Variants in HYKK observed in about 807,000 individuals in gnomAD.
HYKK encodes 5-hydroxy-L-lysine kinase.
A neutral mutation model predicts 29.7 loss-of-function variants in HYKK; 19 were observed. The ratio of observed to expected loss-of-function variants is 0.64; its 90% CI spans 0.45 to 0.94. HYKK has a LOEUF of 0.94. Among genes scored for constraint, HYKK ranks in the 40% least tolerant of loss-of-function variants. The pLI is 0.00. For missense variants in HYKK, 390 were observed against 443.4 expected (o/e 0.88, Z 1.08); for synonymous variants, 152 against 158.1 (o/e 0.96, Z 0.29).
chr15:78,524,857 C>T (rs1398720133), intron 3 of HYKK, among the ~76,000 whole-genome samples: 1 of 152,040 alleles, frequency 6.6e-6, no homozygotes, highest in Non-Finnish European at 1.5e-5. Context: ...CTCATGAGAA[C>T]TCACTCACTA....
At chr15:78,529,408 A>G (rs937567936) in intron 4 of HYKK, among the ~76,000 whole-genome samples, 13 of 152,226 alleles carry the variant, frequency 8.5e-5, no homozygotes, top group African/African-American at 2.4e-4. Context: ...CTTTGAGTGT[A>G]TACCTTGCGA....
At chr15:78,529,242 G>C (rs2052288336) in intron 4 of HYKK, among the ~76,000 whole-genome samples, 1 of 152,136 alleles carries the variant, frequency 6.6e-6, no homozygotes, top group South Asian at 2.1e-4. Flanking sequence ...GCATATGCTA[G>C]AGTTGGTTAA....
Position 78,524,438 on chromosome 15 carries a change from C to T in HYKK, c.478-2942C>T, listed in dbSNP as rs556263113. 5.3e-5 allele frequency among the ~76,000 whole-genome samples: 8 copies of T among 152,340 alleles called. No individual in the cohort carries two copies. In the South Asian group the frequency reaches 1.7e-3, roughly 32 times the overall value. ...TGTGTAGGGCAGCAGGGCCCTGGGC[C>T]TGGCCCACAAAACCATCTTGTCCTC... On this transcript the variant is annotated intron_variant, in intron 3 of 4. Transcript: ENST00000388988.
chr15:78,510,189 TTTTC>T (rs1422144868), intron 1 of HYKK, among the ~76,000 whole-genome samples: 1 of 151,470 alleles, frequency 6.6e-6, no homozygotes, highest in Non-Finnish European at 1.5e-5. Context: ...TTTTCTTTAC[TTTTC>T]TTTCTTTTTG....
Position 78,513,282 on chromosome 15 carries a change from A to G in HYKK, c.194A>G (p.Lys65Arg), listed in dbSNP as rs759809400. 29 of 1,614,124 alleles carry G rather than the reference A, an allele frequency of 1.8e-5. No individual in the cohort carries two copies. The highest frequency in any genetic ancestry group is 2.5e-5 in the Non-Finnish European group (29 of 1,180,052). ...GATGGCCCAACTGAATATGTCCTCA[A>G]AATAAGCAACACCAAGGCTAGCAAA... ...TKDGPTEYVL[K>R]ISNTKASKNP... The change falls in exon 2 of 5, where the codon AAA becomes AGA. Residue 65 changes from lysine (K) to arginine (R), a missense_variant. Physicochemically the swap from Lys to Arg is conservative, Grantham distance 26. Transcript: ENST00000388988.
At position 78,514,796 on chromosome 15, in the gene HYKK, GT is replaced by G. The variant is rs1175919150; in HGVS notation, c.338-170del. ...ATAGAATCCTGCCGAGCTGTTTTAGGTTAGCACATTTTTGTTGTTGTTCTGT... is the reference window on the plus strand; with the variant it reads ...ATAGAATCCTGCCGAGCTGTTTTAGGTAGCACATTTTTGTTGTTGTTCTGT... On this transcript the variant is annotated intron_variant, in intron 2 of 4. Transcript: ENST00000388988. Among the ~76,000 whole-genome samples, 6 of 151,894 alleles carry G rather than the reference GT, an allele frequency of 4.0e-5. No individual in the cohort carries two copies. The East Asian group carries it at 5.8e-4, about 15-fold the overall frequency.
At chr15:78,526,712 C>G (rs2052257741) in intron 3 of HYKK, among the ~76,000 whole-genome samples, 1 of 152,180 alleles carries the variant, frequency 6.6e-6, no homozygotes. Flanking sequence ...CCTCCAATTT[C>G]TTTTGTAAGC....
intron 4 of HYKK, among the ~76,000 whole-genome samples, chr15:78,530,874 G>GT (rs1247950397): frequency 6.6e-6 from 1 of 151,582 alleles, no homozygotes; most frequent in Non-Finnish European, 1.5e-5. Context: ...TTGTTTGTTT[G>GT]TTTTTGTTTT....
At chr15:78,529,431 G>A (rs1449963199) in intron 4 of HYKK, among the ~76,000 whole-genome samples, 1 of 152,160 alleles carries the variant, frequency 6.6e-6, no homozygotes, top group East Asian at 1.9e-4. Context: ...GGATTGCTAG[G>A]TCATAGGACA....
intron 2 of HYKK, among the ~76,000 whole-genome samples, chr15:78,514,121 A>AAAT (rs1327365948): frequency 2.0e-5 from 3 of 151,954 alleles, no homozygotes; most frequent in Non-Finnish European, 4.4e-5. Flanking sequence ...TTAACCAGAA[A>AAAT]AATAATAAAA....
At chr15:78,512,694 G>T (rs143757750) in intron 1 of HYKK, among the ~76,000 whole-genome samples, 2 of 152,172 alleles carry the variant, frequency 1.3e-5, no homozygotes, top group Non-Finnish European at 2.9e-5. Flanking sequence ...GAGCCACCAC[G>T]TCCAGCCCCA....
intron 4 of HYKK, chr15:78,527,830 G>T: frequency 1.1e-6 from 1 of 926,626 alleles, no homozygotes; most frequent in Non-Finnish European, 1.4e-6. Flanking sequence ...TTTATAGTAG[G>T]GTTTGTGTTT....
At position 78,533,221 on chromosome 15, in the gene HYKK, G is replaced by A. The variant is rs765097071; in HGVS notation, c.673G>A (p.Gly225Arg). Residue 225 changes from glycine (G) to arginine (R), a missense_variant, in exon 5 of 5, where the codon GGA becomes AGA. Physicochemically the swap from Gly to Arg is moderately radical, Grantham distance 125. Transcript: ENST00000388988. ...LSHFRECINHGDLNDHNILIE... is the reference protein window; with the variant it reads ...LSHFRECINHRDLNDHNILIE... ...TTTTCTACTTTCAGGTATCAATCAC[G>A]GAGATCTTAATGACCATAATATTTT... 8.2e-6 allele frequency: 13 copies of A among 1,594,666 alleles called. No individual in the cohort carries two copies. Among genetic ancestry groups the A allele is most frequent in the Admixed American group, 1.7e-5 (1 of 59,098 alleles).
chr15:78,520,652 A>G (rs1463410917), intron 3 of HYKK, among the ~76,000 whole-genome samples: 2 of 152,308 alleles, frequency 1.3e-5, no homozygotes, highest in African/African-American at 4.8e-5. Flanking sequence ...CTACACAGAC[A>G]CGGCAACCAT....
chr15:78,524,294 C>T (rs1282851078), intron 3 of HYKK, among the ~76,000 whole-genome samples: 1 of 152,242 alleles, frequency 6.6e-6, no homozygotes, highest in Non-Finnish European at 1.5e-5. Context: ...ACTTGGAAGC[C>T]ACCAAGGCTT....
At chr15:78,513,853 G>T (rs191333875) in intron 2 of HYKK, among the ~76,000 whole-genome samples, 2 of 152,094 alleles carry the variant, frequency 1.3e-5, no homozygotes, top group African/African-American at 2.4e-5. Context: ...GTACAGTGGC[G>T]CAGTCACAGC....
At chr15:78,517,128 T>TTC (rs2052144324) in intron 3 of HYKK, among the ~76,000 whole-genome samples, 1 of 146,704 alleles carries the variant, frequency 6.8e-6, no homozygotes, top group Non-Finnish European at 1.5e-5. Context: ...TTTTTTTTTT[T>TTC]CGAGACAGAG....
intron 3 of HYKK, among the ~76,000 whole-genome samples, chr15:78,524,724 G>A (rs1034206721): frequency 7.2e-5 from 11 of 152,050 alleles, no homozygotes; most frequent in East Asian, 3.9e-4. Context: ...CAGGAGTATC[G>A]CTTGAACCTG....
intron 3 of HYKK, among the ~76,000 whole-genome samples, chr15:78,518,931 A>C (rs955966590): frequency 4.6e-5 from 7 of 152,004 alleles, no homozygotes; most frequent in Admixed American, 3.3e-4. Context: ...AAAAAAAAAA[A>C]AAAACTGAAA....
Sources: gnomAD v4.1 joint callset for allele counts (sites outside exome capture counted in the v4.1 genomes callset) on GRCh38, gnomAD v4.1.1 for gene constraint, MANE v1.5 for transcripts, NCBI Gene and HGNC (gene_info 2026-07-23, HGNC 2026-07-21) for gene names.